Variants in ST7L observed in about 807,000 individuals in gnomAD.
ST7L encodes the protein suppression of tumorigenicity 7 like.
ST7L carries 57 observed loss-of-function variants against 72.5 expected under a neutral mutation model. That is an observed-to-expected ratio of 0.79 (90% CI 0.64 to 0.98). The LOEUF is 0.98. Ranked by LOEUF, ST7L falls within the 50% of genes least tolerant of loss-of-function variation. The pLI is 0.00. For synonymous variants in ST7L, 221 were observed against 240.9 expected, an observed-to-expected ratio of 0.92 and a Z score of 0.77; for missense variants, 576 against 672.2, an observed-to-expected ratio of 0.86 and a Z score of 1.58.
chr1:112,579,380 T>TAAAA (rs34252016), intron 9 of ST7L, among the ~76,000 whole-genome samples: 1 of 96,794 alleles, frequency 1.0e-5, no homozygotes, highest in Non-Finnish European at 2.1e-5. Flanking sequence ...CGAGACTCTG[T>TAAAA]AAAAAAAAAA....
chr1:112,552,409 T>G (rs1295145126), intron 12 of ST7L, among the ~76,000 whole-genome samples: 6 of 152,186 alleles, frequency 3.9e-5, no homozygotes, highest in Non-Finnish European at 1.5e-5. Flanking sequence ...CTTTATTTAT[T>G]TATTTATTTA....
At chr1:112,596,643 CT>C (rs113720593) in intron 5 of ST7L, among the ~76,000 whole-genome samples, 192 of 146,668 alleles carry the variant, frequency 1.3e-3, no homozygotes, top group South Asian at 2.1e-3. Context: ...TTCATTCATA[CT>C]TTTTTTTTTT....
chr1:112,537,376 C>A (rs1306085507), intron 14 of ST7L, among the ~76,000 whole-genome samples: 1 of 152,194 alleles, frequency 6.6e-6, no homozygotes, highest in Admixed American at 6.5e-5. Flanking sequence ...CTGAGTTTGT[C>A]AGTAAGTTAG....
At chr1:112,585,900 A>T (rs959067815) in intron 6 of ST7L, among the ~76,000 whole-genome samples, 1 of 152,230 alleles carries the variant, frequency 6.6e-6, no homozygotes, top group African/African-American at 2.4e-5. Flanking sequence ...GCAAGAGGAG[A>T]GAAATTATTG....
chr1:112,616,750 A>C, intron 2 of ST7L, 63 bp downstream of exon 2: 1 of 442,936 alleles, frequency 2.3e-6, no homozygotes, highest in Non-Finnish European at 3.4e-6. Flanking sequence ...CTCAAAAAAG[A>C]AAAAAAAAAA....
intron 11 of ST7L, among the ~76,000 whole-genome samples, chr1:112,564,363 G>C (rs181587441): frequency 3.9e-5 from 6 of 152,180 alleles, no homozygotes; most frequent in Non-Finnish European, 7.4e-5. Flanking sequence ...GAAAGGCAAA[G>C]GTTTCATTGT....
At chr1:112,527,582 A>T (rs1310944717) in intron 14 of ST7L, 2 of 152,690 alleles carry the variant, frequency 1.3e-5, no homozygotes, top group Non-Finnish European at 2.9e-5. Flanking sequence ...GCAGAGCAGG[A>T]GAGTGTTGAA....
intron 13 of ST7L, among the ~76,000 whole-genome samples, chr1:112,549,652 T>C (rs1223107342): frequency 2.0e-5 from 3 of 152,192 alleles, no homozygotes; most frequent in Non-Finnish European, 4.4e-5. Context: ...TCTACAACCC[T>C]GTTGAACTCA....
At chr1:112,564,817 CA>C (rs780771291) in intron 11 of ST7L, among the ~76,000 whole-genome samples, 2,477 of 43,128 alleles carry the variant, frequency 0.057, 43 homozygotes, top group East Asian at 0.19. Flanking sequence ...AACTGCATCT[CA>C]AAAAAAAAAA....
At chr1:112,571,833 CA>C (rs1662202662) in intron 11 of ST7L, among the ~76,000 whole-genome samples, 1 of 152,154 alleles carries the variant, frequency 6.6e-6, no homozygotes, top group South Asian at 2.1e-4. Context: ...TGCAATAAAG[CA>C]AATATCAAAA....
At chr1:112,546,770 T>C (rs1570940990) in intron 13 of ST7L, among the ~76,000 whole-genome samples, 2 of 152,240 alleles carry the variant, frequency 1.3e-5, no homozygotes, top group East Asian at 3.9e-4. Context: ...GAAGTTGCTC[T>C]CTATTACTTA....
Position 112,583,910 on chromosome 1 carries a change from G to A in ST7L, c.856+62C>T, listed in dbSNP as rs111718368. On this transcript the variant is annotated intron_variant, in intron 7 of 14. Transcript: ENST00000358039. ...TAAGTTTTTTATTATTGTTGTTTGT[G>A]TTAAGACACAAGCAAATTACAGATG... 1.3e-3 allele frequency: 1,973 copies of A among 1,542,844 alleles called. 20 individuals carry two copies. In the African/African-American group the frequency reaches 0.025, roughly 19 times the overall value.
chr1:112,570,741 TTCA>T (rs1324063278), intron 11 of ST7L: 1 of 456,326 alleles, frequency 2.2e-6, no homozygotes, highest in African/African-American at 2.0e-5. Flanking sequence ...CTGTACATAC[TTCA>T]TCAATTGTAA....
intron 10 of ST7L, 21 bp from the exon 11 acceptor site, chr1:112,577,109 G>T: frequency 1.4e-6 from 2 of 1,440,042 alleles, no homozygotes; most frequent in Non-Finnish European, 1.9e-6. Context: ...ACCACAAAAT[G>T]AAAAAATAAA....
intron 11 of ST7L, among the ~76,000 whole-genome samples, chr1:112,556,574 C>T (rs891958609): frequency 6.6e-6 from 1 of 152,082 alleles, no homozygotes; most frequent in Admixed American, 6.6e-5. Context: ...TTAGGGAATA[C>T]CAAAGAACGC....
At chr1:112,570,480 CT>C (rs1661880737) in intron 11 of ST7L, among the ~76,000 whole-genome samples, 1 of 149,722 alleles carries the variant, frequency 6.7e-6, no homozygotes. Context: ...CAGCTTTATC[CT>C]TTGTCATTTT....
In ST7L at chr1:112,614,709, G is replaced by A. The variant is rs114778525; in HGVS notation, c.288+2104C>T. Among the ~76,000 whole-genome samples the A allele has an allele frequency of 1.4e-3, 219 of 152,196 alleles. 1 individual carries two copies. The highest frequency in any genetic ancestry group is 5.0e-3 in the African/African-American group (206 of 41,540). On this transcript the variant is annotated intron_variant, in intron 2 of 14. Coordinates refer to ENST00000358039, the MANE Select transcript of ST7L (RefSeq NM_017744.5). ...CGCCTGGAACCTTAGCACTTTGGGA[G>A]GCCGAGGAGAATGGATCGTTTATGC...
At chr1:112,585,538 C>G (rs1029426675) in intron 6 of ST7L, among the ~76,000 whole-genome samples, 1 of 151,750 alleles carries the variant, frequency 6.6e-6, no homozygotes, top group East Asian at 1.9e-4. Flanking sequence ...GTCAGGAGAT[C>G]GAGACCACGG....
At position 112,600,651 on chromosome 1, in the gene ST7L, A is replaced by T; in HGVS notation, c.506+143T>A. On this transcript the variant is annotated intron_variant, in intron 4 of 14. Transcript: ENST00000358039. ...ACACAGTGAAGATGCTGCCAAATAAACTGTGGACTAATCATTTTACTTTAT... is the reference window on the plus strand; with the variant it reads ...ACACAGTGAAGATGCTGCCAAATAATCTGTGGACTAATCATTTTACTTTAT... 3 of 726,232 alleles carry T rather than the reference A, an allele frequency of 4.1e-6. No homozygotes were observed. In the South Asian group the frequency reaches 5.2e-5, roughly 13 times the overall value. The allele number at this position is 726,232 out of a possible 1,614,324, so 45.0% of individuals were successfully genotyped here.
Sources: allele counts gnomAD v4.1 joint callset (sites outside exome capture counted in the v4.1 genomes callset), GRCh38; gene constraint gnomAD v4.1.1; transcripts MANE v1.5; gene names NCBI Gene and HGNC (gene_info 2026-07-23, HGNC 2026-07-21).